Variants in DNAH3 observed in about 807,000 individuals in gnomAD.
The protein encoded by DNAH3 is dynein axonemal heavy chain 3, also known as axonemal beta dynein heavy chain 3.
Under a neutral mutation model 432.5 loss-of-function variants are expected in DNAH3, and 332 were observed. The observed-to-expected ratio is 0.77, with a 90% CI of 0.70 to 0.84. The LOEUF is 0.84. Among genes scored for constraint, DNAH3 ranks in the 40% least tolerant of loss-of-function variants. DNAH3 has a pLI of 0.00. For missense variants in DNAH3, 4,861 were observed against 5,114.0 expected (o/e 0.95, Z 1.51); for synonymous variants, 1,956 against 1,900.2 (o/e 1.03, Z -0.76).
chr16:21,092,976 A>C (rs1228970799), intron 18 of DNAH3, among the ~76,000 whole-genome samples: 1 of 152,174 alleles, frequency 6.6e-6, no homozygotes, highest in Non-Finnish European at 1.5e-5. Context: ...TGGGAGGCCA[A>C]GGTGGGAGGA....
intron 1 of DNAH3, among the ~76,000 whole-genome samples, chr16:21,152,734 C>T (rs2092867921): frequency 6.6e-6 from 1 of 152,244 alleles, no homozygotes; most frequent in African/African-American, 2.4e-5. Flanking sequence ...AGGGGCTTAG[C>T]ACCCCGGCCA....
intron 58 of DNAH3, among the ~76,000 whole-genome samples, chr16:20,942,853 C>G (rs1190549752): frequency 6.6e-6 from 1 of 152,132 alleles, no homozygotes; most frequent in African/African-American, 2.4e-5. Flanking sequence ...ACAGAAAAAT[C>G]ATGTTGAGTC....
intron 7 of DNAH3, among the ~76,000 whole-genome samples, chr16:21,128,652 C>T (rs1446672220): frequency 6.6e-6 from 1 of 150,902 alleles, no homozygotes; most frequent in Non-Finnish European, 1.5e-5. Flanking sequence ...GGAGATCACG[C>T]CACTGCACTC....
Position 21,017,380 on chromosome 16 carries a change from T to C in DNAH3, c.6022+2244A>G, listed in dbSNP as rs779628893. On this transcript the variant is annotated intron_variant, in intron 41 of 61. Transcript: ENST00000261383. ...AGGGCAAACCTGCCTCCCATTCTAT[T>C]AAAGTCACCCCTCTGCTCACTGAGA... Among the ~76,000 whole-genome samples, 5 of 152,122 alleles carry C rather than the reference T, an allele frequency of 3.3e-5. No homozygotes were observed. In the East Asian group the frequency reaches 9.6e-4, roughly 29 times the overall value.
chr16:21,154,158 G>A (rs7185097), intron 1 of DNAH3, among the ~76,000 whole-genome samples: 3 of 152,048 alleles, frequency 2.0e-5, no homozygotes, highest in Non-Finnish European at 4.4e-5. Context: ...AATCCCAGCA[G>A]CTGGGGAGGC....
intron 9 of DNAH3, 113 bp from the exon 11 acceptor site, chr16:21,122,237 G>A (rs2092358612): frequency 8.2e-6 from 7 of 856,542 alleles, no homozygotes; most frequent in Admixed American, 7.0e-5. Context: ...GCAATGAAGG[G>A]CATCATACAC....
chr16:21,138,906 A>G (rs753676586), intron 5 of DNAH3, among the ~76,000 whole-genome samples: 8 of 152,254 alleles, frequency 5.3e-5, no homozygotes, highest in Admixed American at 3.9e-4. Flanking sequence ...CACATTGCTT[A>G]AACAGTCTAT....
At chr16:21,049,787 G>T in intron 30 of DNAH3, 105 bp from the exon 31 acceptor site, 1 of 1,339,634 alleles carries the variant, frequency 7.5e-7, no homozygotes, top group Non-Finnish European at 1.1e-6. Context: ...TGCTCTGCTT[G>T]AAGGAGCTGG....
rs997244693 is a variant in DNAH3 at position 21,067,431 on chromosome 16, C to A, written c.3382-12G>T. The A allele has an allele frequency of 1.2e-6, 2 of 1,609,452 alleles. No homozygotes were observed. Among genetic ancestry groups the A allele is most frequent in the Admixed American group, 3.4e-5 (2 of 58,472 alleles). On this transcript the variant is annotated splice_polypyrimidine_tract_variant and intron_variant, in intron 23 of 61. Transcript: ENST00000261383. ...CTGTTATCTTTCACCTGGGTTCCAT[C>A]AAAAAAAGTGAGACTCATCATAAGG...
chr16:20,998,912 T>C (rs2086890796), intron 43 of DNAH3, among the ~76,000 whole-genome samples: 1 of 152,156 alleles, frequency 6.6e-6, no homozygotes, highest in Non-Finnish European at 1.5e-5. Context: ...ATGTTAAAGA[T>C]GAGGAACTGA....
At chr16:21,049,723 C>A in intron 30 of DNAH3, 41 bp from the exon 31 acceptor site, 1 of 1,567,082 alleles carries the variant, frequency 6.4e-7, no homozygotes, top group South Asian at 1.1e-5. Flanking sequence ...AGGGTGGATT[C>A]CATCCCATCT....
Position 21,075,433 on chromosome 16 carries a change from G to A in DNAH3, c.3084+14C>T. On this transcript the variant is annotated intron_variant, in intron 21 of 61. Transcript: ENST00000261383. ...GCTGCTTTCAAAAGGGGCTGCGGTT[G>A]CAGTGAGACTCACAGTGTCCCTGTA... The A allele has an allele frequency of 6.4e-7, 1 of 1,568,128 alleles. No homozygotes were observed.
chr16:21,147,224 AT>A (rs796252295), intron 1 of DNAH3, among the ~76,000 whole-genome samples: 269 of 139,296 alleles, frequency 1.9e-3, no homozygotes, highest in South Asian at 6.9e-3. Flanking sequence ...TGACTCTTGC[AT>A]TTTTTTTTTT....
chr16:20,935,647 C>A (rs1350317834), intron 60 of DNAH3, among the ~76,000 whole-genome samples, 162 bp from the exon 61 acceptor site: 4 of 151,990 alleles, frequency 2.6e-5, no homozygotes, highest in Admixed American at 2.6e-4. Context: ...AATAAGGGTA[C>A]AAAGAAATAT....
rs150130742 is a variant in DNAH3 at position 20,933,672 on chromosome 16, A to G, written c.11998-165T>C. On this transcript the variant is annotated intron_variant, in intron 61 of 61. Coordinates refer to ENST00000261383, the Ensembl canonical transcript of DNAH3. ...TTCTGTGATAATATTCCTGCCCACCATACATGGGCCAGGCCTGACTCCTGG... is the reference window on the plus strand; with the variant it reads ...TTCTGTGATAATATTCCTGCCCACCGTACATGGGCCAGGCCTGACTCCTGG... Among the ~76,000 whole-genome samples, 497 of 152,376 alleles carry G rather than the reference A, an allele frequency of 3.3e-3. 5 individuals are homozygous for G. The highest frequency in any genetic ancestry group is 0.012 in the African/African-American group (480 of 41,588).
intron 41 of DNAH3, among the ~76,000 whole-genome samples, chr16:21,009,635 T>C (rs1488039044): frequency 6.6e-6 from 1 of 152,098 alleles, no homozygotes; most frequent in African/African-American, 2.4e-5. Context: ...TTCCAGCACT[T>C]TGGGAGGCCA....
At chr16:21,039,749 G>T in intron 33 of DNAH3, 103 bp downstream of exon 33, 1 of 912,070 alleles carries the variant, frequency 1.1e-6, no homozygotes, top group Non-Finnish European at 1.8e-6. Context: ...AGTTTCTCAA[G>T]CTTCTCTCTC....
At chr16:21,119,285 A>T (rs1384457226) in intron 11 of DNAH3, among the ~76,000 whole-genome samples, 2 of 152,142 alleles carry the variant, frequency 1.3e-5, no homozygotes, top group African/African-American at 4.8e-5. Flanking sequence ...TGCTCTTTCA[A>T]TGTGGTGGAT....
At chr16:20,968,747 C>G (rs959499443) in intron 52 of DNAH3, among the ~76,000 whole-genome samples, 1 of 151,864 alleles carries the variant, frequency 6.6e-6, no homozygotes, top group African/African-American at 2.4e-5. Context: ...CCATGTCTCT[C>G]TCCCTCTAAT....
Sources: allele counts gnomAD v4.1 joint callset (sites outside exome capture counted in the v4.1 genomes callset), GRCh38; gene constraint gnomAD v4.1.1; transcripts MANE v1.5; gene names NCBI Gene and HGNC (gene_info 2026-07-23, HGNC 2026-07-21).